The following EPHB1 variants were observed in gnomAD, a reference collection of about 807,000 sequenced individuals.
EPHB1 encodes the protein ephrin type-B receptor 1.
In EPHB1, 30 loss-of-function variants were observed where a neutral mutation model predicts 94.4. That is an observed-to-expected ratio of 0.32 (90% CI 0.24 to 0.43). EPHB1 has a LOEUF of 0.43. EPHB1 is among the 20% of genes least tolerant of loss of function. The pLI is 1.00. For missense variants in EPHB1, 1,055 were observed against 1,308.3 expected (o/e 0.81, Z 2.99); for synonymous variants, 522 against 489.1 (o/e 1.07, Z -0.89).
intron 3 of EPHB1, among the ~76,000 whole-genome samples, chr3:135,043,443 G>A (rs934742469): frequency 2.4e-4 from 37 of 152,228 alleles, no homozygotes; most frequent in Admixed American, 5.9e-4. Flanking sequence ...AGCCCTCTAT[G>A]AGAAAGGTCT....
At chr3:135,177,620 C>T (rs1037409554) in intron 9 of EPHB1, among the ~76,000 whole-genome samples, 4 of 152,162 alleles carry the variant, frequency 2.6e-5, no homozygotes, top group East Asian at 1.9e-4. Flanking sequence ...CTTGAGAATG[C>T]GCCTCTTATA....
intron 1 of EPHB1, among the ~76,000 whole-genome samples, chr3:134,797,583 A>G (rs564877012): frequency 6.6e-6 from 1 of 152,190 alleles, no homozygotes; most frequent in African/African-American, 2.4e-5. Flanking sequence ...TAGTTTGGAG[A>G]GCAAACGTAT....
chr3:135,035,837 G>A (rs935823027), intron 3 of EPHB1, among the ~76,000 whole-genome samples: 1 of 152,198 alleles, frequency 6.6e-6, no homozygotes, highest in Non-Finnish European at 1.5e-5. Context: ...AGGGCTGTCT[G>A]TAACATGCCA....
intron 1 of EPHB1, among the ~76,000 whole-genome samples, chr3:134,847,883 C>T (rs770503299): frequency 6.6e-6 from 1 of 152,148 alleles, no homozygotes; most frequent in Admixed American, 6.5e-5. Flanking sequence ...CTGGAGACAG[C>T]GTTTAGATTG....
chr3:135,163,753 G>A (rs1941576389), intron 7 of EPHB1, among the ~76,000 whole-genome samples: 1 of 152,234 alleles, frequency 6.6e-6, no homozygotes, highest in Non-Finnish European at 1.5e-5. Context: ...TGGCAGTTAA[G>A]TTTTGCAAAC....
intron 5 of EPHB1, among the ~76,000 whole-genome samples, chr3:135,134,774 G>A (rs1201833951): frequency 2.6e-5 from 4 of 152,220 alleles, no homozygotes; most frequent in African/African-American, 4.8e-5. Context: ...TAGTGTCCCA[G>A]CTTTTGGGAA....
At chr3:134,831,338 C>T (rs562187980) in intron 1 of EPHB1, among the ~76,000 whole-genome samples, 3 of 152,294 alleles carry the variant, frequency 2.0e-5, no homozygotes, top group African/African-American at 7.2e-5. Flanking sequence ...TCTGATCCCA[C>T]GATTCTAGAA....
chr3:135,151,726 G>C (rs1438099947), intron 5 of EPHB1, among the ~76,000 whole-genome samples: 1 of 152,052 alleles, frequency 6.6e-6, no homozygotes, highest in Non-Finnish European at 1.5e-5. Flanking sequence ...CTAAGTTGCA[G>C]GCAAGAAAAA....
At chr3:135,116,939 C>T (rs758311705) in intron 4 of EPHB1, among the ~76,000 whole-genome samples, 3 of 152,190 alleles carry the variant, frequency 2.0e-5, no homozygotes, top group Non-Finnish European at 2.9e-5. Context: ...ATGTGGATGT[C>T]GCATGGATGC....
In EPHB1 at chr3:135,154,183, C is replaced by T; in HGVS notation, c.1329C>T (p.Val443=). 6.2e-7 allele frequency: 1 copy of T among 1,614,018 alleles called. No individual in the cohort carries two copies. The highest frequency in any genetic ancestry group is 1.1e-5 in the South Asian group (1 of 91,086). ...APSTVPIMHQ[V]SATMRSITLS... The stretch of plus-strand genomic sequence containing the variant: ...CCACCGTTCCCATCATGCACCAAGT[C>T]AGTGCCACTATGAGGAGCATCACCT... The change falls in exon 6 of 16, where the codon GTC becomes GTT. Residue 443 remains valine, a synonymous_variant. Transcript: ENST00000398015.
rs181931677 is a variant in EPHB1, at chr3:134,950,153, G to A, written c.124-1218G>A. Among the ~76,000 whole-genome samples, 5 of 152,328 alleles carry A rather than the reference G, an allele frequency of 3.3e-5. No homozygotes were observed. In the East Asian group the frequency reaches 9.6e-4, roughly 29 times the overall value. On this transcript the variant is annotated intron_variant, in intron 2 of 15. Coordinates refer to ENST00000398015, the MANE Select transcript of EPHB1 (RefSeq NM_004441.5). ...GGTTCTGAAAGTTGCTGGGAATAGT[G>A]AAAGACATCACTTAATACATGTGTT... is the stretch of plus-strand genomic sequence containing the variant.
chr3:135,104,566 G>C (rs561950148), intron 3 of EPHB1, among the ~76,000 whole-genome samples: 3 of 152,146 alleles, frequency 2.0e-5, no homozygotes, highest in Non-Finnish European at 2.9e-5. Flanking sequence ...TGTCTTCCCC[G>C]ATCCCAGGGG....
intron 11 of EPHB1, among the ~76,000 whole-genome samples, chr3:135,194,272 T>C (rs1483656254): frequency 6.6e-6 from 1 of 152,212 alleles, no homozygotes; most frequent in Non-Finnish European, 1.5e-5. Flanking sequence ...CTGCCATCAA[T>C]GTAGTCCCTA....
intron 3 of EPHB1, among the ~76,000 whole-genome samples, chr3:134,962,686 T>C (rs1933567018): frequency 6.6e-6 from 1 of 151,898 alleles, no homozygotes; most frequent in Non-Finnish European, 1.5e-5. Flanking sequence ...TCACCCCACA[T>C]CCTTTCCTTT....
intron 12 of EPHB1, among the ~76,000 whole-genome samples, chr3:135,239,891 G>A (rs1943739396): frequency 6.6e-6 from 1 of 152,186 alleles, no homozygotes; most frequent in Non-Finnish European, 1.5e-5. Flanking sequence ...GCTGAGCATA[G>A]TGAAAATAAT....
intron 1 of EPHB1, among the ~76,000 whole-genome samples, chr3:134,797,447 C>T (rs902496865): frequency 4.6e-5 from 7 of 152,226 alleles, no homozygotes; most frequent in Admixed American, 1.3e-4. Flanking sequence ...TCATGCAGGT[C>T]CGAGGCTCGG....
chr3:134,965,364 C>T (rs192992591), intron 3 of EPHB1, among the ~76,000 whole-genome samples: 1 of 152,196 alleles, frequency 6.6e-6, no homozygotes, highest in Non-Finnish European at 1.5e-5. Context: ...GCTCTACCTA[C>T]CCTGCCTATC....
At chr3:135,039,326 C>T (rs1382779929) in intron 3 of EPHB1, among the ~76,000 whole-genome samples, 3 of 152,230 alleles carry the variant, frequency 2.0e-5, no homozygotes, top group Non-Finnish European at 4.4e-5. Flanking sequence ...TAAAGACTCT[C>T]CACGTCCCCA....
intron 7 of EPHB1, among the ~76,000 whole-genome samples, chr3:135,165,422 A>T (rs1453863808): frequency 6.6e-6 from 1 of 152,156 alleles, no homozygotes; most frequent in African/African-American, 2.4e-5. Context: ...AGAAGCCTTG[A>T]TCATTTTCTT....
Sources: allele counts gnomAD v4.1 joint callset (sites outside exome capture counted in the v4.1 genomes callset), GRCh38; gene constraint gnomAD v4.1.1; transcripts MANE v1.5; gene names NCBI Gene and HGNC (gene_info 2026-07-23, HGNC 2026-07-21).